Variants in MEIKIN observed in about 807,000 individuals in gnomAD.
MEIKIN encodes meiotic kinetochore factor, also known as meiosis-specific kinetochore protein.
Position 131,922,977 on chromosome 5 carries a change from C to T in MEIKIN, c.479-1036G>A, listed in dbSNP as rs560913253. On this transcript the variant is annotated intron_variant, in intron 5 of 12. Transcript: ENST00000442687. ...TGTGATCTTGGCTCACTGCAACCTC[C>T]GGTTCCTGGGTTTAAGTGATTCTCC... Among the ~76,000 whole-genome samples the T allele has an allele frequency of 8.1e-4, 123 of 152,220 alleles. No individual in the cohort carries two copies. In the South Asian group the frequency reaches 8.9e-3, roughly 11 times the overall value.
intron 4 of MEIKIN, among the ~76,000 whole-genome samples, chr5:131,935,458 A>G (rs1751761919): frequency 6.6e-6 from 1 of 152,196 alleles, no homozygotes; most frequent in Admixed American, 6.5e-5. Flanking sequence ...CCAATAAATG[A>G]TGGTGACAGA....
At chr5:131,878,120 C>T (rs191872366) in intron 9 of MEIKIN, among the ~76,000 whole-genome samples, 1 of 152,254 alleles carries the variant, frequency 6.6e-6, no homozygotes, top group East Asian at 1.9e-4. Flanking sequence ...TGAGGGGGGA[C>T]TACTATACAT....
intron 9 of MEIKIN, among the ~76,000 whole-genome samples, chr5:131,872,994 G>T (rs1025137530): frequency 3.9e-5 from 6 of 152,282 alleles, no homozygotes; most frequent in African/African-American, 1.2e-4. Context: ...AGCTCCTGAA[G>T]GAAGCACTAA....
chr5:131,936,048 T>C (rs1027489797), intron 4 of MEIKIN, among the ~76,000 whole-genome samples: 3 of 152,186 alleles, frequency 2.0e-5, no homozygotes, highest in Non-Finnish European at 4.4e-5. Flanking sequence ...TCTCAAAATT[T>C]CATGAATACC....
chr5:131,828,339 T>A (rs867887767), intron 11 of MEIKIN, among the ~76,000 whole-genome samples: 1 of 151,904 alleles, frequency 6.6e-6, no homozygotes, highest in Admixed American at 6.6e-5. Context: ...ATTTTTGTAT[T>A]TTTTTTAGAG....
intron 9 of MEIKIN, among the ~76,000 whole-genome samples, chr5:131,870,900 T>C (rs1189158228): frequency 6.6e-6 from 1 of 152,106 alleles, no homozygotes; most frequent in East Asian, 1.9e-4. Flanking sequence ...AGTGACAATC[T>C]AGTGTAGTAG....
chr5:131,859,801 G>A (rs529832010), intron 9 of MEIKIN, among the ~76,000 whole-genome samples: 1 of 152,274 alleles, frequency 6.6e-6, no homozygotes, highest in Admixed American at 6.5e-5. Context: ...ATCGTTTACT[G>A]GAGAGACTGT....
chr5:131,921,153 G>A (rs1751498296), intron 6 of MEIKIN, among the ~76,000 whole-genome samples: 1 of 152,140 alleles, frequency 6.6e-6, no homozygotes, highest in African/African-American at 2.4e-5. Context: ...ATGGGATCCA[G>A]GATAGGATCA....
intron 11 of MEIKIN, among the ~76,000 whole-genome samples, chr5:131,848,835 T>G (rs946491212): frequency 1.6e-4 from 24 of 152,038 alleles, no homozygotes; most frequent in Non-Finnish European, 2.9e-4. Context: ...ACTAAATGGG[T>G]TTTATTCGTG....
chr5:131,942,567 AT>A (rs1751890681), intron 4 of MEIKIN, 67 bp downstream of exon 4: 4 of 396,998 alleles, frequency 1.0e-5, no homozygotes, highest in Non-Finnish European at 1.8e-5. Context: ...ATGGGGAGAG[AT>A]ACAGATGGAT....
At chr5:131,862,576 T>G (rs989696987) in intron 9 of MEIKIN, among the ~76,000 whole-genome samples, 2 of 152,240 alleles carry the variant, frequency 1.3e-5, no homozygotes, top group African/African-American at 2.4e-5. Flanking sequence ...TAACATTAAA[T>G]TTACATAAGC....
At chr5:131,836,232 T>C (rs1244977499) in intron 11 of MEIKIN, among the ~76,000 whole-genome samples, 2 of 149,524 alleles carry the variant, frequency 1.3e-5, no homozygotes, top group East Asian at 1.9e-4. Context: ...GATCTCATTC[T>C]TTTTTTATGG....
At chr5:131,830,988 C>A (rs1156441137) in intron 11 of MEIKIN, among the ~76,000 whole-genome samples, 1 of 152,064 alleles carries the variant, frequency 6.6e-6, no homozygotes, top group Non-Finnish European at 1.5e-5. Flanking sequence ...ACCTCTGCCT[C>A]CTGGGTTCAA....
intron 11 of MEIKIN, among the ~76,000 whole-genome samples, chr5:131,835,526 T>A (rs1430351492): frequency 6.6e-6 from 1 of 152,216 alleles, no homozygotes; most frequent in East Asian, 1.9e-4. Flanking sequence ...TTTAATCCAT[T>A]TTGAGTTAAT....
At chr5:131,893,457 G>T (rs1183788544) in intron 8 of MEIKIN, among the ~76,000 whole-genome samples, 1 of 152,216 alleles carries the variant, frequency 6.6e-6, no homozygotes, top group African/African-American at 2.4e-5. Context: ...GTATTAGCGT[G>T]GGAGCGACCC....
At chr5:131,860,494 G>T (rs1214228631) in intron 9 of MEIKIN, among the ~76,000 whole-genome samples, 1 of 151,742 alleles carries the variant, frequency 6.6e-6, no homozygotes, top group African/African-American at 2.4e-5. Context: ...TGCCCACACT[G>T]GACTGCAGTG....
At chr5:131,813,851 G>A (rs866490278) in intron 12 of MEIKIN, among the ~76,000 whole-genome samples, 89 of 152,102 alleles carry the variant, frequency 5.9e-4, no homozygotes, top group African/African-American at 2.1e-3. Context: ...ATACATAAAA[G>A]GGAGTTTATT....
At chr5:131,829,516 T>C (rs867535185) in intron 11 of MEIKIN, among the ~76,000 whole-genome samples, 1 of 152,088 alleles carries the variant, frequency 6.6e-6, no homozygotes, top group Non-Finnish European at 1.5e-5. Context: ...CCTTAGTAAA[T>C]TGAAATTTGT....
chr5:131,933,597 A>G lies in MEIKIN; in HGVS notation c.394T>C (p.Ser132Pro), dbSNP rs1751723551. 2 of 398,784 alleles carry G rather than the reference A, an allele frequency of 5.0e-6. No homozygotes were observed. The highest frequency in any genetic ancestry group is 8.9e-6 in the Non-Finnish European group (2 of 225,980). The allele number at this position is 398,784 out of a possible 1,614,324, so 24.7% of individuals were successfully genotyped here. Residue 132 changes from serine to proline, a missense_variant, in exon 5 of 13, where the codon TCA becomes CCA. Coordinates refer to ENST00000442687, the MANE Select transcript of MEIKIN (RefSeq NM_001303622.2). Reference protein sequence around the residue: ...HGMASSLLSYSVTDSYAEYKS... With the variant: ...HGMASSLLSYPVTDSYAEYKS... The stretch of plus-strand genomic sequence containing the variant: ...TATTCTGCATAAGAGTCTGTGACTG[A>G]ATAGCTCAGAAGAGAACTGGCCATA...
Sources: allele counts gnomAD v4.1 joint callset (sites outside exome capture counted in the v4.1 genomes callset), GRCh38; gene constraint gnomAD v4.1.1; transcripts MANE v1.5; gene names NCBI Gene and HGNC (gene_info 2026-07-23, HGNC 2026-07-21).